The following PCDH9 variants were observed in gnomAD, a reference collection of about 807,000 sequenced individuals.
The protein encoded by PCDH9 is protocadherin 9.
A neutral mutation model predicts 70.6 loss-of-function variants in PCDH9; 24 were observed. The ratio of observed to expected loss-of-function variants is 0.34; its 90% CI spans 0.25 to 0.48. The LOEUF (loss-of-function observed/expected upper bound fraction) is 0.48, where lower values mean the gene tolerates loss of function less well. PCDH9 is among the 20% of genes least tolerant of loss of function. The probability of loss-of-function intolerance (pLI) is 0.99; values close to 1 mark genes in which losing one functional copy is unlikely to be tolerated. For synonymous variants in PCDH9, 562 were observed against 558.5 expected (o/e 1.01, Z -0.09); for missense variants, 1,281 against 1,503.6 (o/e 0.85, Z 2.45).
chr13:66,952,504 T>G (rs1237616406), intron 2 of PCDH9, among the ~76,000 whole-genome samples: 1 of 152,136 alleles, frequency 6.6e-6, no homozygotes, highest in African/African-American at 2.4e-5. Flanking sequence ...AATAAATTCC[T>G]CATCAAAACA....
chr13:66,411,804 C>A (rs550611454), intron 4 of PCDH9, among the ~76,000 whole-genome samples: 3 of 152,096 alleles, frequency 2.0e-5, no homozygotes, highest in Non-Finnish European at 4.4e-5. Context: ...TCAACCTCAC[C>A]TGAAGGTTTA....
chr13:66,344,391 G>T (rs1956180461), intron 4 of PCDH9, among the ~76,000 whole-genome samples: 1 of 152,084 alleles, frequency 6.6e-6, no homozygotes, highest in Admixed American at 6.6e-5. Context: ...CTCCCAAAGT[G>T]CTGGGATTAC....
At chr13:66,729,382 A>ATG (rs765702346) in intron 3 of PCDH9, among the ~76,000 whole-genome samples, 3 of 152,180 alleles carry the variant, frequency 2.0e-5, no homozygotes, top group Non-Finnish European at 4.4e-5. Context: ...ACTTTTAGTC[A>ATG]TGTGCATCTA....
At chr13:66,458,477 G>C (rs537806327) in intron 4 of PCDH9, among the ~76,000 whole-genome samples, 1 of 151,998 alleles carries the variant, frequency 6.6e-6, no homozygotes, top group Non-Finnish European at 1.5e-5. Flanking sequence ...AGTATTAAGA[G>C]AGCTGGTCAC....
At chr13:67,187,894 A>AT (rs950120560) in intron 2 of PCDH9, among the ~76,000 whole-genome samples, 2 of 151,988 alleles carry the variant, frequency 1.3e-5, no homozygotes, top group South Asian at 2.1e-4. Flanking sequence ...AGCATTTACA[A>AT]TTTTTTGTGA....
intron 4 of PCDH9, among the ~76,000 whole-genome samples, chr13:66,542,131 T>A (rs918324913): frequency 6.6e-6 from 1 of 152,284 alleles, no homozygotes; most frequent in African/African-American, 2.4e-5. Context: ...GGGTTTAGAC[T>A]AATAATCATT....
At chr13:66,866,948 T>G (rs1393439699) in intron 3 of PCDH9, among the ~76,000 whole-genome samples, 1 of 151,978 alleles carries the variant, frequency 6.6e-6, no homozygotes, top group African/African-American at 2.4e-5. Context: ...ATATTATTAC[T>G]GGAAAACCAA....
intron 3 of PCDH9, among the ~76,000 whole-genome samples, chr13:66,807,094 TAC>T (rs1454732421): frequency 6.6e-6 from 1 of 152,170 alleles, no homozygotes; most frequent in East Asian, 1.9e-4. Context: ...ATGCCAGATT[TAC>T]AGTGTTTTTT....
intron 2 of PCDH9, among the ~76,000 whole-genome samples, chr13:67,198,458 T>C (rs1037840042): frequency 2.0e-5 from 3 of 151,902 alleles, no homozygotes; most frequent in African/African-American, 4.8e-5. Context: ...TGAAATCCCA[T>C]TTGGCATACA....
intron 3 of PCDH9, among the ~76,000 whole-genome samples, chr13:66,730,886 TG>T (rs66523272): frequency 0.34 from 28,802 of 83,938 alleles, 5,989 homozygotes; most frequent in Non-Finnish European, 0.39. Flanking sequence ...GTTTTTTTTT[TG>T]TTTGTTTCTT....
intron 2 of PCDH9, among the ~76,000 whole-genome samples, chr13:66,946,256 G>T (rs1456112991): frequency 5.9e-5 from 9 of 152,132 alleles, no homozygotes; most frequent in Admixed American, 5.9e-4. Flanking sequence ...GAGCAGCTGA[G>T]AACAAATATA....
chr13:67,176,273 G>A (rs994436309), intron 2 of PCDH9, among the ~76,000 whole-genome samples: 21 of 152,116 alleles, frequency 1.4e-4, no homozygotes, highest in African/African-American at 5.1e-4. Context: ...AGAATAAGTG[G>A]TGTTCCAATT....
At chr13:66,396,190 C>A (rs1449143212) in intron 4 of PCDH9, among the ~76,000 whole-genome samples, 1 of 151,978 alleles carries the variant, frequency 6.6e-6, no homozygotes, top group East Asian at 1.9e-4. Flanking sequence ...GTACACATAC[C>A]CAGTGCTTCT....
intron 3 of PCDH9, among the ~76,000 whole-genome samples, chr13:66,769,444 G>A (rs946814372): frequency 6.6e-6 from 1 of 151,562 alleles, no homozygotes; most frequent in Admixed American, 6.6e-5. Flanking sequence ...TTGGGAAAGC[G>A]ATATCCTGAA....
At position 66,781,338 on chromosome 13, in the gene PCDH9, T is replaced by G. The variant is rs949015200; in HGVS notation, c.3138+122166A>C. Among the ~76,000 whole-genome samples, 7 of 152,336 alleles carry G rather than the reference T, an allele frequency of 4.6e-5. 1 individual carries two copies. Among genetic ancestry groups the G allele is most frequent in the South Asian group, 4.1e-4 (2 of 4,826 alleles). On this transcript the variant is annotated intron_variant, in intron 3 of 4. Transcript: ENST00000377865. Reference sequence around the variant, plus strand: ...AGGATTCACCTCTTGCAGGGCAAAGTCAAAACATGGATTTAATCCAATTTT... The same window carrying G: ...AGGATTCACCTCTTGCAGGGCAAAGGCAAAACATGGATTTAATCCAATTTT...
Position 67,226,634 on chromosome 13 carries a change from C to T in PCDH9, c.1807G>A (p.Glu603Lys), listed in dbSNP as rs775065084. 1.9e-5 allele frequency: 31 copies of T among 1,613,950 alleles called. No individual in the cohort carries two copies. Among genetic ancestry groups the T allele is most frequent in the Non-Finnish European group, 2.4e-5 (28 of 1,179,958 alleles). Residue 603 changes from glutamate (E) to lysine (K), a missense_variant, in exon 2 of 5, where the codon GAG becomes AAG. By Grantham distance (56) the Glu-to-Lys change is moderately conservative. This residue lies in a region of PCDH9 where 798 missense variants were observed against 1,003.1 expected (regional missense o/e 0.80). Coordinates refer to ENST00000377865, the MANE Select transcript of PCDH9 (RefSeq NM_203487.3). The surrounding 1 kb of genome is among the most constrained non-coding windows in gnomAD (Gnocchi z 5.0). The part of the protein sequence containing the change: ...VITVTDADAG[E>K]NKAVTLSILN... Reference sequence around the variant, plus strand: ...ATGGAAAGAGTCACAGCTTTATTCTCTCCAGCATCTGCATCTGTCACTGTG... The same window carrying T: ...ATGGAAAGAGTCACAGCTTTATTCTTTCCAGCATCTGCATCTGTCACTGTG...
At chr13:66,839,952 G>T (rs554710109) in intron 3 of PCDH9, among the ~76,000 whole-genome samples, 1 of 152,180 alleles carries the variant, frequency 6.6e-6, no homozygotes, top group South Asian at 2.1e-4. Flanking sequence ...TTCATATTTT[G>T]CCTTCTTGAT....
At chr13:66,354,178 T>C (rs111261931) in intron 4 of PCDH9, among the ~76,000 whole-genome samples, 24 of 152,082 alleles carry the variant, frequency 1.6e-4, no homozygotes, top group African/African-American at 5.5e-4. Context: ...CAAAGAGGAG[T>C]TGGAAACAAT....
At chr13:66,913,298 T>A (rs1236992917) in intron 2 of PCDH9, among the ~76,000 whole-genome samples, 1 of 152,012 alleles carries the variant, frequency 6.6e-6, no homozygotes, top group Non-Finnish European at 1.5e-5. Flanking sequence ...CTTTTTTTTA[T>A]AGTGCACTAA....
Sources: allele counts gnomAD v4.1 joint callset (sites outside exome capture counted in the v4.1 genomes callset), GRCh38; gene constraint gnomAD v4.1.1; regional missense constraint gnomAD v4.1.1; non-coding constraint Gnocchi (gnomAD v3.1); transcripts MANE v1.5; gene names NCBI Gene and HGNC (gene_info 2026-07-23, HGNC 2026-07-21).